Variants in RNF220 observed in about 807,000 individuals in gnomAD.
RNF220 encodes E3 ubiquitin-protein ligase RNF220.
Under a neutral mutation model 67.1 loss-of-function variants are expected in RNF220, and 7 were observed. The observed-to-expected ratio is 0.10, with a 90% confidence interval of 0.06 to 0.20. The LOEUF (loss-of-function observed/expected upper bound fraction) is 0.20, where lower values mean the gene tolerates loss of function less well. Among genes scored for constraint, RNF220 ranks in the 10% least tolerant of loss-of-function variants. RNF220 has a pLI of 1.00. For missense variants in RNF220, 565 were observed against 740.3 expected, an observed-to-expected ratio of 0.76 and a Z score of 2.75; for synonymous variants, 270 against 283.2, an observed-to-expected ratio of 0.95 and a Z score of 0.47.
intron 2 of RNF220, among the ~76,000 whole-genome samples, chr1:44,495,947 GGCAA>G (rs200732329): frequency 0.013 from 1,996 of 152,316 alleles, 39 homozygotes; most frequent in African/African-American, 0.045. Flanking sequence ...ATGAACCAGT[GGCAA>G]GAGATGATGC....
Position 44,577,663 on chromosome 1 carries a change from G to A in RNF220, c.626-36502G>A, listed in dbSNP as rs1247562418. Among the ~76,000 whole-genome samples the A allele has an allele frequency of 2.6e-5, 4 of 152,174 alleles. No individual in the cohort carries two copies. The South Asian group carries it at 8.3e-4, about 31-fold the overall frequency. The stretch of plus-strand genomic sequence containing the variant: ...TAAGGGAGTGATCAGTACCACAAAG[G>A]AAATAAACAGCGTGGTAAAATACTG... On this transcript the variant is annotated intron_variant, in intron 2 of 14. Transcript: ENST00000361799.
chr1:44,590,472 TC>T, intron 2 of RNF220, among the ~76,000 whole-genome samples: 1 of 152,346 alleles, frequency 6.6e-6, no homozygotes, highest in East Asian at 1.9e-4. Flanking sequence ...CTCAGAGCTC[TC>T]ATGGCTCAAC....
At chr1:44,625,569 G>C (rs542911164) in intron 4 of RNF220, among the ~76,000 whole-genome samples, 73 of 152,296 alleles carry the variant, frequency 4.8e-4, no homozygotes, top group African/African-American at 1.6e-3. Context: ...TGGAGAAGGT[G>C]GGGGGAGGAA....
intron 2 of RNF220, among the ~76,000 whole-genome samples, chr1:44,610,085 G>A (rs1160897847): frequency 6.6e-6 from 1 of 152,190 alleles, no homozygotes; most frequent in East Asian, 1.9e-4. Flanking sequence ...CGCGACTGGG[G>A]CGGTGGGGAG....
At chr1:44,568,837 G>GGATT (rs1446873453) in intron 2 of RNF220, among the ~76,000 whole-genome samples, 1 of 152,160 alleles carries the variant, frequency 6.6e-6, no homozygotes, top group Non-Finnish European at 1.5e-5. Flanking sequence ...ATGGGATGGG[G>GGATT]GATTCCATGG....
rs1413310643 is a variant in RNF220 at position 44,600,990 on chromosome 1, T to C, written c.626-13175T>C. 6.6e-6 allele frequency among the ~76,000 whole-genome samples: 1 copy of C among 152,202 alleles called. No individual in the cohort carries two copies. Among genetic ancestry groups the C allele is most frequent in the Non-Finnish European group, 1.5e-5 (1 of 68,040 alleles). The stretch of plus-strand genomic sequence containing the variant: ...TATATTACAGGCTCCCACAGCACTG[T>C]TGACCTCTTTTTGGTACAATTGCAA... On this transcript the variant is annotated intron_variant, in intron 2 of 14. Transcript: ENST00000361799. The surrounding 1 kb of genome is among the most constrained non-coding windows in gnomAD (Gnocchi z 4.0).
chr1:44,611,325 C>T (rs947443061), intron 2 of RNF220, among the ~76,000 whole-genome samples: 1 of 152,246 alleles, frequency 6.6e-6, no homozygotes, highest in African/African-American at 2.4e-5. Flanking sequence ...GGCAGCAAAG[C>T]AGATGAACTG....
rs1000202649 is a variant in RNF220 at position 44,473,031 on chromosome 1, G to C, written c.625+60309G>C. Among the ~76,000 whole-genome samples, 64 of 152,110 alleles carry C rather than the reference G, an allele frequency of 4.2e-4. 1 individual carries two copies. Among genetic ancestry groups the C allele is most frequent in the Admixed American group, 1.7e-3 (26 of 15,274 alleles). ...AGGTTCTGGCTTTGAGGTTTTCCTG[G>C]GCTGTGAGGTGTGTGTTTCCCCACG... is the stretch of plus-strand genomic sequence containing the variant. On this transcript the variant is annotated intron_variant, in intron 2 of 14. Coordinates refer to ENST00000361799, the MANE Select transcript of RNF220 (RefSeq NM_018150.4).
chr1:44,558,196 C>A (rs1663271890), intron 2 of RNF220, among the ~76,000 whole-genome samples: 5 of 152,158 alleles, frequency 3.3e-5, no homozygotes. Context: ...TTGCACTTGC[C>A]CACATTTAAT....
chr1:44,472,183 G>T (rs977762580), intron 2 of RNF220, among the ~76,000 whole-genome samples: 1 of 152,076 alleles, frequency 6.6e-6, no homozygotes, highest in Non-Finnish European at 1.5e-5. Context: ...GCACATTGCT[G>T]TACAAGTTTT....
At chr1:44,424,750 A>G (rs1013493065) in intron 2 of RNF220, among the ~76,000 whole-genome samples, 2 of 152,038 alleles carry the variant, frequency 1.3e-5, no homozygotes, top group Admixed American at 6.5e-5. Flanking sequence ...TTGCTGATCA[A>G]GTGACTGTAT....
intron 2 of RNF220, among the ~76,000 whole-genome samples, chr1:44,610,674 C>A (rs1643256793): frequency 1.3e-5 from 2 of 152,158 alleles, no homozygotes; most frequent in Non-Finnish European, 2.9e-5. Context: ...GCTCGGCCTG[C>A]CCACCTGTGG....
At chr1:44,488,776 G>A (rs1308065311) in intron 2 of RNF220, among the ~76,000 whole-genome samples, 1 of 137,522 alleles carries the variant, frequency 7.3e-6, no homozygotes, top group Admixed American at 8.1e-5. Context: ...TGTCACCCAG[G>A]CTGGAGTGCA....
chr1:44,566,760 A>G (rs1440703869), intron 2 of RNF220, among the ~76,000 whole-genome samples: 1 of 152,186 alleles, frequency 6.6e-6, no homozygotes, highest in Non-Finnish European at 1.5e-5. Context: ...AGGAGAGAAA[A>G]AAGACCTCTG....
chr1:44,428,251 C>A (rs1240321024), intron 2 of RNF220, among the ~76,000 whole-genome samples: 1 of 152,134 alleles, frequency 6.6e-6, no homozygotes, highest in Non-Finnish European at 1.5e-5. Context: ...CTTGACGAAT[C>A]CTGTTCTATG....
At chr1:44,631,901 G>C (rs1345985269) in intron 5 of RNF220, 2 of 986,170 alleles carry the variant, frequency 2.0e-6, no homozygotes, top group African/African-American at 1.7e-5. Context: ...CCTGGTCTCT[G>C]TCCGGCCGCC....
intron 6 of RNF220, 77 bp downstream of exon 6, chr1:44,632,462 C>T: frequency 1.6e-6 from 2 of 1,255,114 alleles, no homozygotes; most frequent in Non-Finnish European, 2.1e-6. Flanking sequence ...CCGCTCCTGG[C>T]TTGCCTGGGT....
chr1:44,575,610 AC>A (rs2148329950), intron 2 of RNF220, among the ~76,000 whole-genome samples: 2 of 152,370 alleles, frequency 1.3e-5, no homozygotes, highest in South Asian at 4.1e-4. Flanking sequence ...ATACCATCTT[AC>A]CCAGTTAGAA....
chr1:44,635,732 C>A, intron 7 of RNF220, 144 bp downstream of exon 7: 2 of 1,501,902 alleles, frequency 1.3e-6, no homozygotes, highest in Non-Finnish European at 1.8e-6. Context: ...CTGCTGACTG[C>A]CCCTGAATCT....
Sources: allele counts gnomAD v4.1 joint callset (sites outside exome capture counted in the v4.1 genomes callset), GRCh38; gene constraint gnomAD v4.1.1; non-coding constraint Gnocchi (gnomAD v3.1); transcripts MANE v1.5; gene names NCBI Gene and HGNC (gene_info 2026-07-23, HGNC 2026-07-21).